Variants in SH3KBP1 observed in about 807,000 individuals in gnomAD.
The protein encoded by SH3KBP1 is SH3 domain-containing kinase-binding protein 1.
SH3KBP1 carries 8 observed loss-of-function variants against 50.1 expected under a neutral mutation model. That is an observed-to-expected ratio of 0.16 (90% CI 0.09 to 0.29). The LOEUF (loss-of-function observed/expected upper bound fraction) is 0.29, where lower values mean the gene tolerates loss of function less well. SH3KBP1 is among the 10% of genes least tolerant of loss of function. The probability of loss-of-function intolerance (pLI) is 1.00; values close to 1 mark genes in which losing one functional copy is unlikely to be tolerated. For missense variants in SH3KBP1, 377 were observed against 535.2 expected, an observed-to-expected ratio of 0.70 and a Z score of 2.92; for synonymous variants, 227 against 218.6, an observed-to-expected ratio of 1.04 and a Z score of -0.34.
rs1355544267 is a variant in SH3KBP1, at chrX:19,779,947, A to G, written c.163-33506T>C. On this transcript the variant is annotated intron_variant, in intron 2 of 17. Transcript: ENST00000397821. The stretch of plus-strand genomic sequence containing the variant: ...TAGTCCTTTGGGTATATACCCAGTA[A>G]TGGGATGGCTGGGTATATACCCAGT... Among the ~76,000 whole-genome samples the G allele has an allele frequency of 2.1e-4, 23 of 109,958 alleles. 1 individual carries two copies. The highest frequency in any genetic ancestry group is 2.0e-3 in the East Asian group (7 of 3,432).
rs1569373379 is a variant in SH3KBP1, at chrX:19,643,315, TTTTTTTA to T, written c.802+2078_802+2084del. ...AAACTGAAGAATTTTTTATTTTTTT[TTTTTTTA>T]TTTTTTTTTTTTTTTGAGACAGGGT... On this transcript the variant is annotated intron_variant, in intron 7 of 17. Coordinates refer to ENST00000397821, the MANE Select transcript of SH3KBP1 (RefSeq NM_031892.3). Among the ~76,000 whole-genome samples the T allele has an allele frequency of 5.6e-4, 49 of 86,781 alleles. 7 individuals are homozygous for T. The highest frequency in any genetic ancestry group is 1.5e-3 in the African/African-American group (23 of 15,468). The allele number at this position is 86,781 out of a possible 115,157, so 75.4% of individuals were successfully genotyped here.
chrX:19,609,598 T>C (rs1433486770), intron 8 of SH3KBP1, among the ~76,000 whole-genome samples: 5 of 111,848 alleles, frequency 4.5e-5, no homozygotes, highest in South Asian at 3.8e-4. Context: ...GGAGAACCCA[T>C]GGTCTCCACG....
At chrX:19,576,998 C>T (rs2066221222) in intron 12 of SH3KBP1, among the ~76,000 whole-genome samples, 2 of 112,477 alleles carry the variant, frequency 1.8e-5, no homozygotes, top group African/African-American at 6.5e-5. Context: ...GGCTCCAAAA[C>T]TTTCCACGAA....
chrX:19,595,590 GTTTT>G (rs397943096), intron 9 of SH3KBP1, among the ~76,000 whole-genome samples: 1 of 92,793 alleles, frequency 1.1e-5, no homozygotes, highest in African/African-American at 3.9e-5. Context: ...TTTTTGGTTT[GTTTT>G]TTTTTTTTTT....
intron 1 of SH3KBP1, among the ~76,000 whole-genome samples, chrX:19,866,538 A>G (rs2068913789): frequency 9.2e-6 from 1 of 109,161 alleles, no homozygotes; most frequent in Non-Finnish European, 1.9e-5. Context: ...AAAAATTAAA[A>G]TATTAGGCAG....
intron 10 of SH3KBP1, among the ~76,000 whole-genome samples, chrX:19,593,387 A>G (rs1356236052): frequency 1.8e-5 from 2 of 111,593 alleles, no homozygotes; most frequent in Non-Finnish European, 3.8e-5. Context: ...CAAATTAATC[A>G]CCACATCTCA....
chrX:19,806,203 G>C (rs1015276669), intron 2 of SH3KBP1, among the ~76,000 whole-genome samples: 2 of 111,546 alleles, frequency 1.8e-5, no homozygotes, highest in African/African-American at 6.5e-5. Flanking sequence ...ATTTGAGCAG[G>C]TGAAAAATGC....
At chrX:19,856,949 G>GTTTTTTT (rs1275149618) in intron 1 of SH3KBP1, among the ~76,000 whole-genome samples, 1 of 37,978 alleles carries the variant, frequency 2.6e-5, no homozygotes, top group Non-Finnish European at 4.7e-5. Flanking sequence ...GCTAATACTA[G>GTTTTTTT]TCTTTTTTTT....
chrX:19,734,086 C>T (rs2064461428), intron 3 of SH3KBP1, among the ~76,000 whole-genome samples: 1 of 112,410 alleles, frequency 8.9e-6, no homozygotes, highest in Non-Finnish European at 1.9e-5. Flanking sequence ...TTACTGACAA[C>T]GGCAAGAAAA....
intron 1 of SH3KBP1, among the ~76,000 whole-genome samples, chrX:19,855,325 C>T (rs2068618207): frequency 8.9e-6 from 1 of 111,966 alleles, no homozygotes; most frequent in African/African-American, 3.2e-5. Context: ...AGTATTTCAG[C>T]TTTGGTGGGA....
intron 12 of SH3KBP1, among the ~76,000 whole-genome samples, chrX:19,573,821 G>T (rs974155452): frequency 9.0e-6 from 1 of 111,252 alleles, no homozygotes; most frequent in African/African-American, 3.3e-5. Flanking sequence ...TAAAAATCCA[G>T]GCCAGGTGTG....
At chrX:19,702,646 CA>C (rs752630485) in intron 4 of SH3KBP1, among the ~76,000 whole-genome samples, 6 of 109,031 alleles carry the variant, frequency 5.5e-5, no homozygotes, top group Non-Finnish European at 9.5e-5. Context: ...AAAGTGGCTT[CA>C]ATGCACTTTA....
chrX:19,761,589 G>A (rs189817206), intron 2 of SH3KBP1, among the ~76,000 whole-genome samples: 57 of 111,930 alleles, frequency 5.1e-4, no homozygotes, highest in African/African-American at 1.7e-3. Context: ...TACCATGATA[G>A]TTAAGAGATC....
chrX:19,726,113 G>A (rs1306872933), intron 3 of SH3KBP1, among the ~76,000 whole-genome samples: 1 of 111,891 alleles, frequency 8.9e-6, no homozygotes, highest in African/African-American at 3.3e-5. Context: ...TCAGAAGTTG[G>A]AGAAGAGGAC....
rs1392463502 is a variant in SH3KBP1, at chrX:19,569,435, G to A, written c.1299-247C>T. ...ATGGCTATTTTAATAATGACTGTTCGCCCATGTACTTCCAGCCACAAACCC... is the reference window on the plus strand; with the variant it reads ...ATGGCTATTTTAATAATGACTGTTCACCCATGTACTTCCAGCCACAAACCC... On this transcript the variant is annotated intron_variant, in intron 12 of 17. Coordinates refer to ENST00000397821, the MANE Select transcript of SH3KBP1 (RefSeq NM_031892.3). Among the ~76,000 whole-genome samples, 3 of 112,125 alleles carry A rather than the reference G, an allele frequency of 2.7e-5. No individual in the cohort carries two copies. The East Asian group carries it at 8.5e-4, about 32-fold the overall frequency.
Position 19,554,042 on chromosome X carries a change from T to TC in SH3KBP1, c.1385-3960_1385-3959insG, listed in dbSNP as rs1453401946. Among the ~76,000 whole-genome samples, 295 of 64,873 alleles carry TC rather than the reference T, an allele frequency of 4.5e-3. 6 individuals are homozygous for TC. Among genetic ancestry groups the TC allele is most frequent in the Non-Finnish European group, 6.5e-3 (262 of 40,354 alleles). The allele number at this position is 64,873 out of a possible 115,157, so 56.3% of individuals were successfully genotyped here. A position where few individuals can be genotyped will look rare whatever the true frequency, so the allele number is the denominator to read the frequency against. On this transcript the variant is annotated intron_variant, in intron 13 of 17. Transcript: ENST00000397821. The stretch of plus-strand genomic sequence containing the variant: ...ATATATTAAAATATAATATATAATA[T>TC]ATATTAAAATATATTATATATATTA...
chrX:19,803,776 C>T (rs1039107698), intron 2 of SH3KBP1, among the ~76,000 whole-genome samples: 6 of 111,722 alleles, frequency 5.4e-5, no homozygotes, highest in Non-Finnish European at 1.1e-4. Flanking sequence ...TAAAATCATA[C>T]CGTGAAAGTG....
intron 8 of SH3KBP1, among the ~76,000 whole-genome samples, chrX:19,626,872 G>C (rs1042868338): frequency 9.0e-6 from 1 of 111,411 alleles, no homozygotes; most frequent in Non-Finnish European, 1.9e-5. Flanking sequence ...CCCGGCCTGG[G>C]TCCCCTCTTT....
At chrX:19,738,528 C>G (rs1426450355) in intron 3 of SH3KBP1, among the ~76,000 whole-genome samples, 2 of 109,212 alleles carry the variant, frequency 1.8e-5, no homozygotes, top group African/African-American at 6.7e-5. Flanking sequence ...GTGATTGAAC[C>G]CAAAGCTATC....
Sources: allele counts gnomAD v4.1 joint callset (sites outside exome capture counted in the v4.1 genomes callset), GRCh38; gene constraint gnomAD v4.1.1; transcripts MANE v1.5; gene names NCBI Gene and HGNC (gene_info 2026-07-23, HGNC 2026-07-21).